The following DCC variants were observed in gnomAD, a reference collection of about 807,000 sequenced individuals.
DCC encodes DCC netrin 1 receptor.
DCC carries 58 observed loss-of-function variants against 172.5 expected under a neutral mutation model. The observed-to-expected ratio is 0.34, with a 90% CI of 0.27 to 0.42. The LOEUF (loss-of-function observed/expected upper bound fraction) is 0.42, where lower values mean the gene tolerates loss of function less well. Among genes scored for constraint, DCC ranks in the 10% least tolerant of loss-of-function variants. The pLI is 1.00. For synonymous variants in DCC, 709 were observed against 644.5 expected (o/e 1.10, Z -1.52); for missense variants, 1,740 against 1,791.0 (o/e 0.97, Z 0.51).
intron 7 of DCC, among the ~76,000 whole-genome samples, chr18:53,115,347 A>C (rs770537885): frequency 6.6e-6 from 1 of 151,572 alleles, no homozygotes; most frequent in Non-Finnish European, 1.5e-5. Flanking sequence ...TTGAGTATCT[A>C]TGTCATCTTT....
At chr18:52,384,620 G>A (rs766061269) in intron 1 of DCC, among the ~76,000 whole-genome samples, 1 of 152,110 alleles carries the variant, frequency 6.6e-6, no homozygotes, top group Middle Eastern at 3.2e-3. Context: ...TAGCAGGAGA[G>A]TTGACTGTTC....
intron 9 of DCC, among the ~76,000 whole-genome samples, chr18:53,194,095 C>CT (rs1335622893): frequency 2.6e-5 from 4 of 152,130 alleles, no homozygotes; most frequent in South Asian, 4.1e-4. Flanking sequence ...GGGAAACACT[C>CT]TGAGTTGTGC....
chr18:52,617,832 A>C (rs906654736), intron 1 of DCC, among the ~76,000 whole-genome samples: 4 of 152,174 alleles, frequency 2.6e-5, no homozygotes, highest in African/African-American at 9.7e-5. Flanking sequence ...TTTGCTTACT[A>C]TTTGAGGCAG....
chr18:53,026,231 G>T (rs2041953650), intron 5 of DCC, among the ~76,000 whole-genome samples: 2 of 151,808 alleles, frequency 1.3e-5, no homozygotes, highest in South Asian at 4.2e-4. Flanking sequence ...TTAGAAAATT[G>T]GGTGAAAAAA....
intron 5 of DCC, among the ~76,000 whole-genome samples, chr18:52,927,070 C>CGT: frequency 1.4e-5 from 1 of 72,476 alleles, no homozygotes; most frequent in Non-Finnish European, 3.4e-5. Context: ...TATATACACA[C>CGT]ATATATGTGT....
chr18:52,574,548 C>A (rs974751408), intron 1 of DCC, among the ~76,000 whole-genome samples: 4 of 152,186 alleles, frequency 2.6e-5, no homozygotes, highest in African/African-American at 9.6e-5. Flanking sequence ...TCCAGAATTT[C>A]GGAAGTGAAT....
chr18:53,276,083 T>G (rs370307209), intron 12 of DCC, among the ~76,000 whole-genome samples: 1 of 152,260 alleles, frequency 6.6e-6, no homozygotes, highest in South Asian at 2.1e-4. Context: ...TAATAAAAAA[T>G]TAGAATATGT....
chr18:53,273,738 T>C (rs2056774137), intron 12 of DCC, among the ~76,000 whole-genome samples: 3 of 151,926 alleles, frequency 2.0e-5, no homozygotes, highest in Non-Finnish European at 4.4e-5. Flanking sequence ...GCTGCTTTTT[T>C]TTTTTTTACC....
At chr18:52,983,655 T>C (rs2041247796) in intron 5 of DCC, among the ~76,000 whole-genome samples, 3 of 152,260 alleles carry the variant, frequency 2.0e-5, no homozygotes, top group South Asian at 4.1e-4. Context: ...CAGCATACCA[T>C]TACACATATA....
Position 53,419,023 on chromosome 18 carries a change from G to T in DCC, c.3163+2867G>T, listed in dbSNP as rs141073380. On this transcript the variant is annotated intron_variant, in intron 21 of 28. Coordinates refer to ENST00000442544, the MANE Select transcript of DCC (RefSeq NM_005215.4). ...TCTTCCAGGCACAGGTGGCAAATAA[G>T]TTGGGAAGTAAAAGAAATTTTAGAG... is the stretch of plus-strand genomic sequence containing the variant. 2.1e-3 allele frequency among the ~76,000 whole-genome samples: 320 copies of T among 152,286 alleles called. 2 individuals are homozygous for T. The highest frequency in any genetic ancestry group is 7.4e-3 in the African/African-American group (308 of 41,564).
At chr18:52,403,780 T>C (rs1388422381) in intron 1 of DCC, among the ~76,000 whole-genome samples, 3 of 152,034 alleles carry the variant, frequency 2.0e-5, no homozygotes, top group Non-Finnish European at 4.4e-5. Flanking sequence ...CAATAGCATA[T>C]TTCACACTTG....
chr18:52,447,577 G>A (rs146314940), intron 1 of DCC, among the ~76,000 whole-genome samples: 167 of 152,244 alleles, frequency 1.1e-3, no homozygotes, highest in African/African-American at 3.9e-3. Context: ...GTCTGTTCTC[G>A]AACTGCTATA....
At chr18:53,462,745 A>G (rs1310554917) in intron 24 of DCC, among the ~76,000 whole-genome samples, 1 of 152,096 alleles carries the variant, frequency 6.6e-6, no homozygotes, top group Non-Finnish European at 1.5e-5. Flanking sequence ...GACCAGGCCC[A>G]GTTCCATGAT....
At chr18:53,255,041 G>A (rs1200535786) in intron 12 of DCC, among the ~76,000 whole-genome samples, 1 of 151,882 alleles carries the variant, frequency 6.6e-6, no homozygotes, top group Non-Finnish European at 1.5e-5. Context: ...TGGAAACAAT[G>A]AGTCAGCTAT....
At chr18:52,676,617 A>T (rs2035650858) in intron 1 of DCC, among the ~76,000 whole-genome samples, 1 of 152,178 alleles carries the variant, frequency 6.6e-6, no homozygotes, top group African/African-American at 2.4e-5. Context: ...TTAACTTAGA[A>T]ATCAGTCTTC....
At chr18:53,137,006 A>G (rs555962276) in intron 7 of DCC, among the ~76,000 whole-genome samples, 8 of 152,294 alleles carry the variant, frequency 5.3e-5, no homozygotes, top group African/African-American at 1.4e-4. Context: ...TTTCTAGTTG[A>G]CTTGATAATT....
chr18:53,259,142 G>T (rs529708159), intron 12 of DCC, among the ~76,000 whole-genome samples: 4 of 152,230 alleles, frequency 2.6e-5, no homozygotes, highest in Admixed American at 2.0e-4. Flanking sequence ...ACAGCATACT[G>T]ATGGGTCTTG....
intron 1 of DCC, among the ~76,000 whole-genome samples, chr18:52,351,866 T>C (rs1382280956): frequency 1.3e-5 from 2 of 152,216 alleles, no homozygotes; most frequent in Admixed American, 1.3e-4. Flanking sequence ...TTAGAAGTCA[T>C]TGAGCTTGTA....
At chr18:53,004,533 A>C (rs2041616022) in intron 5 of DCC, among the ~76,000 whole-genome samples, 1 of 152,152 alleles carries the variant, frequency 6.6e-6, no homozygotes, top group Admixed American at 6.5e-5. Flanking sequence ...AAAGATTTTA[A>C]AAATGCAAGA....
Sources: gnomAD v4.1 joint callset for allele counts (sites outside exome capture counted in the v4.1 genomes callset) on GRCh38, gnomAD v4.1.1 for gene constraint, MANE v1.5 for transcripts, NCBI Gene and HGNC (gene_info 2026-07-23, HGNC 2026-07-21) for gene names.